Variants in ATG5 observed in about 807,000 individuals in gnomAD.
The protein encoded by ATG5 is autophagy protein 5.
Under a neutral mutation model 36.5 loss-of-function variants are expected in ATG5, and 14 were observed. The ratio of observed to expected loss-of-function variants is 0.38; its 90% CI spans 0.25 to 0.60. The LOEUF (loss-of-function observed/expected upper bound fraction) is 0.60, where lower values mean the gene tolerates loss of function less well. Ranked by LOEUF, ATG5 falls within the 20% of genes least tolerant of loss-of-function variation. The pLI is 0.60. For synonymous variants in ATG5, 95 were observed against 101.5 expected, an observed-to-expected ratio of 0.94 and a Z score of 0.38; for missense variants, 195 against 326.7, an observed-to-expected ratio of 0.60 and a Z score of 3.11.
At chr6:106,258,198 GTC>G (rs975536550) in intron 5 of ATG5, among the ~76,000 whole-genome samples, 3 of 113,126 alleles carry the variant, frequency 2.7e-5, no homozygotes, top group Non-Finnish European at 5.1e-5. Flanking sequence ...GGTAGATCCC[GTC>G]TCTAACAAAA....
At chr6:106,197,984 C>T (rs775987161) in intron 7 of ATG5, among the ~76,000 whole-genome samples, 10 of 152,134 alleles carry the variant, frequency 6.6e-5, no homozygotes, top group Non-Finnish European at 1.2e-4. Flanking sequence ...TGGGGTTTAT[C>T]TCTATCAGCA....
chr6:106,302,393 G>A (rs1770253302), intron 3 of ATG5, among the ~76,000 whole-genome samples: 1 of 151,990 alleles, frequency 6.6e-6, no homozygotes. Context: ...TGTAGATGAT[G>A]GTAAGTCAGA....
intron 5 of ATG5, among the ~76,000 whole-genome samples, chr6:106,275,749 T>C (rs1461393406): frequency 1.3e-5 from 2 of 152,236 alleles, no homozygotes; most frequent in Non-Finnish European, 2.9e-5. Context: ...CAGTTCTGAA[T>C]GTGTAACATT....
intron 7 of ATG5, among the ~76,000 whole-genome samples, chr6:106,201,546 T>C (rs1776430724): frequency 6.6e-6 from 1 of 152,108 alleles, no homozygotes; most frequent in Non-Finnish European, 1.5e-5. Flanking sequence ...ACTGAAAAAG[T>C]AGAAAGTAGT....
At chr6:106,324,920 T>C (rs2114697725) in intron 1 of ATG5, among the ~76,000 whole-genome samples, 1 of 152,326 alleles carries the variant, frequency 6.6e-6, no homozygotes, top group South Asian at 2.1e-4. Flanking sequence ...AGCTACTGTC[T>C]GGTAAGTCTC....
At chr6:106,293,128 T>C (rs374818236) in intron 3 of ATG5, 22 bp from the exon 4 acceptor site, 2 of 1,593,648 alleles carry the variant, frequency 1.3e-6, no homozygotes, top group Non-Finnish European at 1.7e-6. Context: ...ACAGTATATT[T>C]TGAGAAAATA....
intron 5 of ATG5, among the ~76,000 whole-genome samples, chr6:106,270,803 T>A (rs1336258260): frequency 3.3e-5 from 5 of 152,188 alleles, no homozygotes; most frequent in Non-Finnish European, 7.3e-5. Context: ...TATCTCAGTA[T>A]AAAGCACCAC....
At chr6:106,286,440 A>G (rs1780082187) in intron 4 of ATG5, among the ~76,000 whole-genome samples, 1 of 152,194 alleles carries the variant, frequency 6.6e-6, no homozygotes, top group East Asian at 1.9e-4. Context: ...GTCACGGCTA[A>G]AAGTATATGT....
chr6:106,247,471 C>T (rs1718036169), intron 6 of ATG5, among the ~76,000 whole-genome samples: 1 of 152,106 alleles, frequency 6.6e-6, no homozygotes, highest in Non-Finnish European at 1.5e-5. Context: ...GAAGACTCAC[C>T]ATCCAAAACA....
At chr6:106,265,315 T>C (rs1398709965) in intron 5 of ATG5, among the ~76,000 whole-genome samples, 1 of 152,040 alleles carries the variant, frequency 6.6e-6, no homozygotes, top group Non-Finnish European at 1.5e-5. Flanking sequence ...ATCCTAAATA[T>C]ATGTGCACCC....
At chr6:106,306,571 A>G (rs899628638) in intron 3 of ATG5, among the ~76,000 whole-genome samples, 1 of 152,260 alleles carries the variant, frequency 6.6e-6, no homozygotes, top group Non-Finnish European at 1.5e-5. Context: ...TATCAAATTC[A>G]AAATGTCAGT....
intron 1 of ATG5, among the ~76,000 whole-genome samples, chr6:106,319,307 T>C (rs1004898929): frequency 3.3e-5 from 5 of 151,942 alleles, no homozygotes; most frequent in African/African-American, 1.2e-4. Context: ...AAAAGCATTA[T>C]ATAACATAAG....
At chr6:106,269,331 C>T (rs1779350254) in intron 5 of ATG5, among the ~76,000 whole-genome samples, 1 of 152,264 alleles carries the variant, frequency 6.6e-6, no homozygotes, top group Non-Finnish European at 1.5e-5. Context: ...TCCACGTCCC[C>T]ACCAGACTCA....
At chr6:106,319,707 A>G (rs1470551909) in intron 1 of ATG5, among the ~76,000 whole-genome samples, 2 of 152,166 alleles carry the variant, frequency 1.3e-5, no homozygotes, top group Admixed American at 6.5e-5. Flanking sequence ...GTTTTTATCA[A>G]TAGTATTTAT....
At chr6:106,303,068 A>T (rs182890434) in intron 3 of ATG5, among the ~76,000 whole-genome samples, 3 of 152,168 alleles carry the variant, frequency 2.0e-5, no homozygotes, top group Non-Finnish European at 4.4e-5. Context: ...CTAGAAAAAA[A>T]TAATAAAACC....
At chr6:106,277,534 G>C (rs921990496) in intron 5 of ATG5, among the ~76,000 whole-genome samples, 1 of 152,186 alleles carries the variant, frequency 6.6e-6, no homozygotes, top group Non-Finnish European at 1.5e-5. Context: ...TACACTAGAG[G>C]CTGAGCATGG....
chr6:106,192,348 TA>T (rs1266270124), intron 7 of ATG5, among the ~76,000 whole-genome samples: 1 of 152,140 alleles, frequency 6.6e-6, no homozygotes, highest in Non-Finnish European at 1.5e-5. Flanking sequence ...TAAAGATTTC[TA>T]TTACTAATGG....
chr6:106,313,176 A>G (rs1317710203), intron 2 of ATG5, among the ~76,000 whole-genome samples: 1 of 152,252 alleles, frequency 6.6e-6, no homozygotes, highest in Non-Finnish European at 1.5e-5. Flanking sequence ...TACTTCTTCC[A>G]TTATAACAGG....
At chr6:106,243,941 G>A (rs1282847143) in intron 6 of ATG5, among the ~76,000 whole-genome samples, 2 of 104,554 alleles carry the variant, frequency 1.9e-5, no homozygotes, top group Non-Finnish European at 3.6e-5. Context: ...TAAAGATAGG[G>A]TCTGTTTCTG....
Sources: allele counts gnomAD v4.1 joint callset (sites outside exome capture counted in the v4.1 genomes callset), GRCh38; gene constraint gnomAD v4.1.1; transcripts MANE v1.5; gene names NCBI Gene and HGNC (gene_info 2026-07-23, HGNC 2026-07-21).